The following ADGRB3 variants were observed in gnomAD, a reference collection of about 807,000 sequenced individuals.
The protein encoded by ADGRB3 is adhesion G protein-coupled receptor B3.
ADGRB3 carries 37 observed loss-of-function variants against 193.4 expected under a neutral mutation model. That is an observed-to-expected ratio of 0.19 (90% CI 0.15 to 0.25). The LOEUF is 0.25. Among genes scored for constraint, ADGRB3 ranks in the 10% least tolerant of loss-of-function variants. The probability of loss-of-function intolerance (pLI) is 1.00; values close to 1 mark genes in which losing one functional copy is unlikely to be tolerated. For missense variants in ADGRB3, 1,637 were observed against 1,852.9 expected (o/e 0.88, Z 2.14); for synonymous variants, 690 against 644.2 (o/e 1.07, Z -1.08).
chr6:69,339,195 C>T, intron 25 of ADGRB3, 138 bp from the exon 26 acceptor site: 1 of 1,185,406 alleles, frequency 8.4e-7, no homozygotes, highest in East Asian at 2.4e-5. Context: ...AAATAAGACT[C>T]TCAAATGTCA....
rs1768099124 is a variant in ADGRB3, at chr6:69,307,861, A to T, written c.2815-17011A>T. ...ACAAATGTGACTCCATCTTTTCCAC[A>T]GAGTCCCCATTCTCATATAAATGGA... On this transcript the variant is annotated intron_variant, in intron 20 of 31. Coordinates refer to ENST00000370598, the MANE Select transcript of ADGRB3 (RefSeq NM_001704.3). Among the ~76,000 whole-genome samples, 3 of 151,542 alleles carry T rather than the reference A, an allele frequency of 2.0e-5. 1 individual carries two copies. In the South Asian group the frequency reaches 6.2e-4, roughly 31 times the overall value.
intron 3 of ADGRB3, among the ~76,000 whole-genome samples, chr6:68,872,631 T>G (rs1038572678): frequency 1.3e-5 from 2 of 152,160 alleles, no homozygotes; most frequent in Non-Finnish European, 2.9e-5. Flanking sequence ...CCCTTGTGAA[T>G]GGGTTTATTA....
intron 3 of ADGRB3, among the ~76,000 whole-genome samples, chr6:68,671,350 C>T (rs1397721454): frequency 3.3e-5 from 5 of 151,952 alleles, no homozygotes; most frequent in Non-Finnish European, 7.4e-5. Flanking sequence ...AGGGGAAAGG[C>T]TTTCAGTTTT....
At chr6:69,234,266 G>A (rs576163557) in intron 18 of ADGRB3, among the ~76,000 whole-genome samples, 39 of 152,080 alleles carry the variant, frequency 2.6e-4, no homozygotes, top group Middle Eastern at 3.4e-3. Context: ...ATTAATTAAC[G>A]TCATGTAAGT....
At chr6:68,659,782 A>G (rs1768580899) in intron 3 of ADGRB3, among the ~76,000 whole-genome samples, 1 of 151,086 alleles carries the variant, frequency 6.6e-6, no homozygotes, top group African/African-American at 2.4e-5. Context: ...TTCTAGGGCA[A>G]TTTACTTGTT....
At chr6:68,850,204 G>A (rs569697388) in intron 3 of ADGRB3, among the ~76,000 whole-genome samples, 1 of 151,516 alleles carries the variant, frequency 6.6e-6, no homozygotes, top group South Asian at 2.1e-4. Context: ...ATGGATTCTC[G>A]ATTGCTCTGT....
At chr6:69,224,743 C>T (rs1485705998) in intron 17 of ADGRB3, among the ~76,000 whole-genome samples, 1 of 151,960 alleles carries the variant, frequency 6.6e-6, no homozygotes, top group Non-Finnish European at 1.5e-5. Context: ...ATTTCCATTT[C>T]TATTCCCTCA....
At chr6:69,057,122 A>G (rs962635279) in intron 15 of ADGRB3, among the ~76,000 whole-genome samples, 2 of 151,900 alleles carry the variant, frequency 1.3e-5, no homozygotes, top group Non-Finnish European at 2.9e-5. Flanking sequence ...TTTCCTCCTT[A>G]AGTTTACTCA....
intron 17 of ADGRB3, among the ~76,000 whole-genome samples, chr6:69,147,566 G>A (rs1774539792): frequency 6.6e-6 from 1 of 152,030 alleles, no homozygotes; most frequent in Admixed American, 6.6e-5. Flanking sequence ...CCTAACACAT[G>A]GTCTGTCCTT....
chr6:69,348,191 G>A (rs1769147348), intron 26 of ADGRB3, among the ~76,000 whole-genome samples: 1 of 152,132 alleles, frequency 6.6e-6, no homozygotes, highest in South Asian at 2.1e-4. Context: ...CAGTAAAAAA[G>A]CTCAGACAGA....
At chr6:69,332,273 G>T (rs1479519307) in intron 23 of ADGRB3, 1 of 985,190 alleles carries the variant, frequency 1.0e-6, no homozygotes, top group Middle Eastern at 5.2e-4. Flanking sequence ...GTGAGAATAA[G>T]AAAGTCTTAG....
At chr6:68,960,761 G>C (rs548763972) in intron 8 of ADGRB3, among the ~76,000 whole-genome samples, 64 of 152,204 alleles carry the variant, frequency 4.2e-4, no homozygotes, top group African/African-American at 1.5e-3. Context: ...GAATCATCCA[G>C]AGAGCTTGTT....
intron 3 of ADGRB3, among the ~76,000 whole-genome samples, chr6:68,793,839 A>AT: frequency 6.6e-6 from 1 of 152,276 alleles, no homozygotes; most frequent in East Asian, 1.9e-4. Context: ...TATATTTAAA[A>AT]TTTTTAATTG....
intron 3 of ADGRB3, among the ~76,000 whole-genome samples, chr6:68,857,678 G>A (rs897250410): frequency 3.3e-5 from 5 of 152,208 alleles, no homozygotes; most frequent in Admixed American, 1.3e-4. Flanking sequence ...ACTTTGGACT[G>A]TGGACTTTTT....
intron 26 of ADGRB3, among the ~76,000 whole-genome samples, chr6:69,343,575 G>C (rs1439593955): frequency 6.6e-6 from 1 of 151,956 alleles, no homozygotes; most frequent in Non-Finnish European, 1.5e-5. Flanking sequence ...TGGAATGTTT[G>C]CATAACTATT....
chr6:68,871,197 G>T (rs1469412857), intron 3 of ADGRB3, among the ~76,000 whole-genome samples: 2 of 152,136 alleles, frequency 1.3e-5, no homozygotes, highest in South Asian at 4.1e-4. Flanking sequence ...AACTTGTGCA[G>T]ATAGAAAAAG....
chr6:69,269,557 A>T (rs964642573), intron 20 of ADGRB3, among the ~76,000 whole-genome samples: 9 of 152,096 alleles, frequency 5.9e-5, no homozygotes, highest in Non-Finnish European at 1.2e-4. Flanking sequence ...TAATTTTTTT[A>T]TTTCTTTTGT....
chr6:68,646,361 C>T (rs535864643), intron 3 of ADGRB3, among the ~76,000 whole-genome samples: 5 of 151,346 alleles, frequency 3.3e-5, no homozygotes, highest in African/African-American at 4.8e-5. Context: ...CCTGCAATCC[C>T]GACTTCTCAG....
chr6:68,848,112 AAAC>A (rs1768318780), intron 3 of ADGRB3, among the ~76,000 whole-genome samples: 2 of 152,060 alleles, frequency 1.3e-5, no homozygotes, highest in Admixed American at 6.6e-5. Flanking sequence ...ATAAAAATAA[AAAC>A]AGTTTATAAT....
Sources: gnomAD v4.1 joint callset for allele counts (sites outside exome capture counted in the v4.1 genomes callset) on GRCh38, gnomAD v4.1.1 for gene constraint, MANE v1.5 for transcripts, NCBI Gene and HGNC (gene_info 2026-07-23, HGNC 2026-07-21) for gene names.